CCDC3: variants seen among roughly 807,000 people sequenced by gnomAD.
CCDC3 encodes coiled-coil domain-containing protein 3.
Under a neutral mutation model 21.4 loss-of-function variants are expected in CCDC3, and 24 were observed. The ratio of observed to expected loss-of-function variants is 1.12; its 90% CI spans 0.81 to 1.58. The LOEUF is 1.58. Among genes scored for constraint, CCDC3 ranks in the 40% most tolerant of loss-of-function variants. The pLI, the probability that CCDC3 is intolerant of heterozygous loss-of-function variation, is 0.00. For synonymous variants in CCDC3, 186 were observed against 166.0 expected, an observed-to-expected ratio of 1.12 and a Z score of -0.93; for missense variants, 425 against 360.9, an observed-to-expected ratio of 1.18 and a Z score of -1.44.
intron 5 of CCDC3, among the ~76,000 whole-genome samples, chr10:13,021,909 G>A (rs1257558856): frequency 5.3e-5 from 8 of 152,024 alleles, no homozygotes; most frequent in Non-Finnish European, 1.0e-4. Context: ...ACAGGTGCAC[G>A]CCACCATGCC....
At chr10:13,048,896 CT>C (rs1326841219) in intron 5 of CCDC3, among the ~76,000 whole-genome samples, 2 of 151,934 alleles carry the variant, frequency 1.3e-5, no homozygotes, top group African/African-American at 2.4e-5. Flanking sequence ...GCCACGTGGT[CT>C]TTTTTTTAAT....
chr10:12,983,048 G>T (rs765484148), intron 2 of CCDC3, among the ~76,000 whole-genome samples: 6 of 148,972 alleles, frequency 4.0e-5, no homozygotes, highest in Middle Eastern at 3.5e-3. Context: ...GAAGGCGGAG[G>T]TTCCAGTGAG....
intron 5 of CCDC3, among the ~76,000 whole-genome samples, chr10:13,016,500 T>C (rs937933367): frequency 3.9e-5 from 6 of 152,100 alleles, no homozygotes; most frequent in African/African-American, 1.2e-4. Context: ...GCTCCTAATG[T>C]ACAACGTAAA....
chr10:13,069,427 A>G (rs1836858163), intron 4 of CCDC3, among the ~76,000 whole-genome samples: 1 of 152,228 alleles, frequency 6.6e-6, no homozygotes, highest in Non-Finnish European at 1.5e-5. Context: ...AAGGTTATAA[A>G]AGGTTTTTTG....
At chr10:12,977,800 T>G (rs563209158) in intron 2 of CCDC3, among the ~76,000 whole-genome samples, 116 of 152,326 alleles carry the variant, frequency 7.6e-4, no homozygotes, top group Non-Finnish European at 1.5e-3. Context: ...ATGAAAAGAA[T>G]TGCATTTAAA....
At chr10:13,002,659 C>T (rs567107391), upstream of CCDC3, among the ~76,000 whole-genome samples, 140 of 152,294 alleles carry the variant, frequency 9.2e-4, no homozygotes, top group Non-Finnish European at 1.3e-3. Flanking sequence ...AACTTTCAGG[C>T]GTGAGCCCCC....
At chr10:12,994,727 T>G (rs1835733866) in intron 2 of CCDC3, among the ~76,000 whole-genome samples, 1 of 152,114 alleles carries the variant, frequency 6.6e-6, no homozygotes, top group African/African-American at 2.4e-5. Context: ...TAGGATAATT[T>G]GATGCTTGCC....
intron 3 of CCDC3, among the ~76,000 whole-genome samples, chr10:13,090,307 C>A (rs770544033): frequency 6.6e-5 from 10 of 151,974 alleles, no homozygotes; most frequent in Non-Finnish European, 1.3e-4. Context: ...GCCAGATTGT[C>A]TTGATCTCCT....
rs530872701 is a variant in CCDC3, at chr10:12,939,574, T to A, written c.550-40895A>T. Among the ~76,000 whole-genome samples the A allele has an allele frequency of 9.2e-5, 14 of 152,244 alleles. No individual in the cohort carries two copies. The South Asian group carries it at 2.9e-3, about 32-fold the overall frequency. On this transcript the variant is annotated intron_variant, in intron 2 of 2. Coordinates refer to ENST00000378825, the MANE Select transcript of CCDC3 (RefSeq NM_031455.4). ...CTCTGGCCTGAGTGACAGAGCCAGA[T>A]GCTGTCTCAAGAAAATAAATGTTGG...
intron 2 of CCDC3, among the ~76,000 whole-genome samples, chr10:12,963,815 G>C (rs1835216326): frequency 6.6e-6 from 1 of 151,878 alleles, no homozygotes; most frequent in South Asian, 2.1e-4. Flanking sequence ...CTCCTGACCT[G>C]AAAGTGATCC....
chr10:13,050,710 C>T (rs1201316725), intron 4 of CCDC3, among the ~76,000 whole-genome samples: 1 of 152,140 alleles, frequency 6.6e-6, no homozygotes, highest in Non-Finnish European at 1.5e-5. Context: ...CCACCCGCCT[C>T]AGCCTCCCAA....
chr10:12,994,780 A>T (rs1456832508), intron 2 of CCDC3, among the ~76,000 whole-genome samples: 1 of 152,052 alleles, frequency 6.6e-6, no homozygotes, highest in Admixed American at 6.5e-5. Flanking sequence ...GGGTTTTTTT[A>T]AGAAAAAAGC....
At chr10:13,032,788 T>C (rs1224767881) in intron 5 of CCDC3, among the ~76,000 whole-genome samples, 4 of 152,158 alleles carry the variant, frequency 2.6e-5, no homozygotes, top group South Asian at 2.1e-4. Flanking sequence ...TTACAAGGGA[T>C]GTGAAGGACC....
intron 2 of CCDC3, among the ~76,000 whole-genome samples, chr10:12,926,143 C>A (rs895600523): frequency 3.9e-5 from 6 of 152,220 alleles, no homozygotes; most frequent in African/African-American, 1.4e-4. Flanking sequence ...AGTGGATAGT[C>A]AGGAGCAGAA....
At chr10:13,095,437 G>C (rs181152735) in intron 3 of CCDC3, among the ~76,000 whole-genome samples, 6 of 148,042 alleles carry the variant, frequency 4.1e-5, no homozygotes, top group African/African-American at 9.7e-5. Context: ...GGTGGTGGGT[G>C]GGGGGGTGGT....
At chr10:13,060,252 C>A (rs901580931) in intron 4 of CCDC3, among the ~76,000 whole-genome samples, 2 of 152,154 alleles carry the variant, frequency 1.3e-5, no homozygotes, top group Non-Finnish European at 1.5e-5. Context: ...CGTGACCTTG[C>A]TGTGCGTGTC....
At chr10:13,029,845 A>G (rs1836275925) in intron 5 of CCDC3, among the ~76,000 whole-genome samples, 1 of 152,212 alleles carries the variant, frequency 6.6e-6, no homozygotes, top group Non-Finnish European at 1.5e-5. Context: ...ACTAGGTGAA[A>G]AGACCAAATC....
At chr10:12,928,658 G>A (rs1323339065) in intron 2 of CCDC3, among the ~76,000 whole-genome samples, 1 of 152,132 alleles carries the variant, frequency 6.6e-6, no homozygotes, top group Non-Finnish European at 1.5e-5. Flanking sequence ...CAAGTCAACC[G>A]ACCTCCCAGC....
At chr10:12,935,826 C>T (rs545785078) in intron 2 of CCDC3, among the ~76,000 whole-genome samples, 7 of 152,236 alleles carry the variant, frequency 4.6e-5, no homozygotes, top group African/African-American at 7.2e-5. Context: ...CCAGTGCGCC[C>T]GGCCAACCCA....
Sources: gnomAD v4.1 joint callset for allele counts (sites outside exome capture counted in the v4.1 genomes callset) on GRCh38, gnomAD v4.1.1 for gene constraint, MANE v1.5 for transcripts, NCBI Gene and HGNC (gene_info 2026-07-23, HGNC 2026-07-21) for gene names.